The following WIPI1 variants were observed in gnomAD, a reference collection of about 807,000 sequenced individuals.
WIPI1 encodes WD repeat domain, phosphoinositide interacting 1.
In WIPI1, 45 loss-of-function variants were observed where a neutral mutation model predicts 55.3. That is an observed-to-expected ratio of 0.81 (90% confidence interval 0.64 to 1.04). The LOEUF (loss-of-function observed/expected upper bound fraction) is 1.04, where lower values mean the gene tolerates loss of function less well. Among genes scored for constraint, WIPI1 ranks in the 50% least tolerant of loss-of-function variants. The probability of loss-of-function intolerance (pLI) is 0.00; values close to 1 mark genes in which losing one functional copy is unlikely to be tolerated. For missense variants in WIPI1, 445 were observed against 559.0 expected (o/e 0.80, Z 2.06); for synonymous variants, 195 against 217.6 (o/e 0.90, Z 0.92).
intron 11 of WIPI1, among the ~76,000 whole-genome samples, chr17:68,426,838 T>A (rs535594840): frequency 6.6e-6 from 1 of 152,196 alleles, no homozygotes; most frequent in Non-Finnish European, 1.5e-5. Context: ...CCTGGCCTCA[T>A]TGGAATTTTT....
At chr17:68,426,248 G>GGGGGGGGT in intron 11 of WIPI1, 73 bp from the exon 12 acceptor site, 1 of 832,028 alleles carries the variant, frequency 1.2e-6, no homozygotes, top group South Asian at 1.4e-5. Context: ...CGGGTGGGGA[G>GGGGGGGGT]CGGGGGCTCA....
In WIPI1 at chr17:68,426,253, G is replaced by GGGGT; in HGVS notation, c.1193-79_1193-78insACCC. The GGGGT allele has an allele frequency of 8.3e-6, 7 of 841,006 alleles. 2 individuals carry two copies. The highest frequency in any genetic ancestry group is 2.6e-5 in the South Asian group (2 of 75,586). 52.1% of individuals were successfully genotyped at this position (841,006 alleles called of 1,614,324 possible). A position where few individuals can be genotyped will look rare whatever the true frequency, so the allele number is the denominator to read the frequency against. On this transcript the variant is annotated intron_variant, in intron 11 of 12. Transcript: ENST00000262139. ...CATGACCTGGCGGGTGGGGAGCGGGGGCTCAAATAAAGGGCAAAGGAAGCA... is the reference window on the plus strand; with the variant it reads ...CATGACCTGGCGGGTGGGGAGCGGGGGGGTGCTCAAATAAAGGGCAAAGGAAGCA...
At chr17:68,436,564 C>A in intron 4 of WIPI1, 85 bp from the exon 5 acceptor site, 2 of 1,244,414 alleles carry the variant, frequency 1.6e-6, no homozygotes, top group Non-Finnish European at 2.3e-6. Flanking sequence ...AACAGTACAG[C>A]TACAGTGCCA....
chr17:68,422,666 T>G (rs551380047), intron 12 of WIPI1: 1 of 143,826 alleles, frequency 7.0e-6, no homozygotes, highest in East Asian at 2.0e-4. Flanking sequence ...GAGGTGGAGG[T>G]TGCAGTGAGT....
chr17:68,433,517 T>C lies in WIPI1; in HGVS notation c.751A>G (p.Ser251Gly). 6.2e-7 allele frequency: 1 copy of C among 1,614,008 alleles called. No homozygotes were observed. Among genetic ancestry groups the C allele is most frequent in the Admixed American group, 1.7e-5 (1 of 59,992 alleles). The change falls in exon 8 of 13, where the codon AGT becomes GGT. Residue 251 changes from serine (S) to glycine (G), a missense_variant. By Grantham distance (56) the Ser-to-Gly change is moderately conservative. Transcript: ENST00000262139. Reference protein sequence around the residue: ...SMDSQFLCASSNTETVHIFKL... With the variant: ...SMDSQFLCASGNTETVHIFKL... ...AAGATGTGTACCGTCTCGGTGTTAC[T>C]GGAGGCGCAGAGGAATTGTGAATCC...
At chr17:68,426,252 G>GGGGGGGGGGGGA in intron 11 of WIPI1, 77 bp from the exon 12 acceptor site, 1 of 828,186 alleles carries the variant, frequency 1.2e-6, no homozygotes, top group Non-Finnish European at 1.9e-6. Flanking sequence ...TGGGGAGCGG[G>GGGGGGGGGGGGA]GGCTCAAATA....
chr17:68,446,414 T>C (rs1434975064), intron 3 of WIPI1, among the ~76,000 whole-genome samples: 2 of 152,090 alleles, frequency 1.3e-5, no homozygotes, highest in Non-Finnish European at 2.9e-5. Flanking sequence ...CCTCCTGAGC[T>C]CAAGAGCTCC....
chr17:68,426,104 A>T lies in WIPI1; in HGVS notation c.1264T>A (p.Cys422Ser), dbSNP rs773809289. The T allele has an allele frequency of 6.2e-7, 1 of 1,612,732 alleles. No homozygotes were observed. The highest frequency in any genetic ancestry group is 1.1e-5 in the South Asian group (1 of 91,020). The change falls in exon 12 of 13, where the codon TGT becomes AGT. Residue 422 changes from cysteine to serine, a missense_variant. Physicochemically the swap from Cys to Ser is moderately radical, Grantham distance 112 (BLOSUM62 -1). Transcript: ENST00000262139. ...GGAAACTCATTCTCATCATCAAGACACACTGGTCCCGTCGCAAACTCATGT... is the reference window on the plus strand; with the variant it reads ...GGAAACTCATTCTCATCATCAAGACTCACTGGTCCCGTCGCAAACTCATGT... ...PEHEFATGPVCLDDENEFPPI... is the reference protein window; with the variant it reads ...PEHEFATGPVSLDDENEFPPI...
chr17:68,457,274 AG>A, intron 1 of WIPI1, 67 bp downstream of exon 1: 1 of 1,518,122 alleles, frequency 6.6e-7, no homozygotes, highest in South Asian at 1.2e-5. Context: ...AGCTGCTCTC[AG>A]GACGACACCC....
rs201800243 is a variant in WIPI1 at position 68,450,868 on chromosome 17, G to T, written c.193C>A (p.Arg65Ser). The change falls in exon 3 of 13, where the codon CGC (arginine) becomes AGC (serine). Residue 65 changes from arginine (R) to serine (S), a missense_variant. Arg to Ser is a moderately radical substitution (Grantham distance 110). Coordinates refer to ENST00000262139, the MANE Select transcript of WIPI1 (RefSeq NM_017983.7). ...NEIPDVYIVE[R>S]LFSSSLVVVV... ...ACCACCAGGCTGCTGGAGAAGAGGC[G>T]CTCCACGATGTAGACGTCCGGGATT... 1 of 1,613,680 alleles carries T rather than the reference G, an allele frequency of 6.2e-7. No individual in the cohort carries two copies. The highest frequency in any genetic ancestry group is 1.1e-5 in the South Asian group (1 of 91,012).
intron 9 of WIPI1, 86 bp from the exon 10 acceptor site, chr17:68,429,022 G>T: frequency 1.0e-6 from 1 of 993,644 alleles, no homozygotes. Flanking sequence ...CCTCACCCTA[G>T]CTGTCACCAG....
intron 2 of WIPI1, among the ~76,000 whole-genome samples, chr17:68,451,729 C>G (rs777332793): frequency 5.3e-5 from 8 of 152,190 alleles, no homozygotes; most frequent in Non-Finnish European, 1.0e-4. Flanking sequence ...CCCCCCACCC[C>G]CTATCTTGCT....
At chr17:68,431,515 A>T (rs1420947578) in intron 8 of WIPI1, among the ~76,000 whole-genome samples, 1 of 152,078 alleles carries the variant, frequency 6.6e-6, no homozygotes, top group Non-Finnish European at 1.5e-5. Context: ...TTCATTCCCA[A>T]GGTCAAAGGG....
chr17:68,421,947 T>C, intron 12 of WIPI1, 127 bp from the exon 13 acceptor site: 5 of 1,194,204 alleles, frequency 4.2e-6, no homozygotes, highest in Admixed American at 1.7e-5. Context: ...AATTTTTCTG[T>C]CTGAACTCGC....
At position 68,452,878 on chromosome 17, in the gene WIPI1, AGAT is replaced by A. The variant is rs756918504; in HGVS notation, c.163+29_163+31del. 6 of 1,598,456 alleles carry A rather than the reference AGAT, an allele frequency of 3.8e-6. No homozygotes were observed. In the Admixed American group the frequency reaches 1.0e-4, roughly 27 times the overall value. On this transcript the variant is annotated intron_variant, in intron 2 of 12. Coordinates refer to ENST00000262139, the MANE Select transcript of WIPI1 (RefSeq NM_017983.7). ...TAGAAGGAGGCTCTGGTTCTCCTGC[AGAT>A]CCCTGAGGTCTCTCTCACACACACT...
chr17:68,457,427 G>T lies in WIPI1; in HGVS notation c.-6C>A. 1 of 1,471,068 alleles carries T rather than the reference G, an allele frequency of 6.8e-7. No homozygotes were observed. The highest frequency in any genetic ancestry group is 2.9e-5 in the East Asian group (1 of 34,138). The allele number at this position is 1,471,068 out of a possible 1,614,324, so 91.1% of individuals were successfully genotyped here. On this transcript the variant is annotated 5_prime_UTR_variant, in exon 1 of 13. Coordinates refer to ENST00000262139, the MANE Select transcript of WIPI1 (RefSeq NM_017983.7). Reference sequence around the variant, plus strand: ...TCCGCGGCCTCGGCCTCCATCGGGGGCTCGGCCCGGGAAGCCGCAGCTCGG... The same window carrying T: ...TCCGCGGCCTCGGCCTCCATCGGGGTCTCGGCCCGGGAAGCCGCAGCTCGG...
chr17:68,430,193 G>A (rs374417959), intron 8 of WIPI1, 33 bp from the exon 9 acceptor site: 4 of 1,585,154 alleles, frequency 2.5e-6, no homozygotes, highest in African/African-American at 1.4e-5. Context: ...CGATGGGACT[G>A]GGCTGCAGGC....
intron 3 of WIPI1, among the ~76,000 whole-genome samples, chr17:68,449,656 G>A (rs1269398222): frequency 2.0e-5 from 3 of 152,146 alleles, no homozygotes; most frequent in Non-Finnish European, 2.9e-5. Flanking sequence ...CACGTAAGAC[G>A]CCTGCTCCCG....
chr17:68,424,601 T>C, intron 12 of WIPI1: 1 of 476,976 alleles, frequency 2.1e-6, no homozygotes, highest in Non-Finnish European at 4.3e-6. Flanking sequence ...TCCGGCCGGG[T>C]GCGGCGGTTC....
Sources: allele counts gnomAD v4.1 joint callset (sites outside exome capture counted in the v4.1 genomes callset), GRCh38; gene constraint gnomAD v4.1.1; transcripts MANE v1.5; gene names NCBI Gene and HGNC (gene_info 2026-07-23, HGNC 2026-07-21).